Variants in EYS observed in about 807,000 individuals in gnomAD.
EYS encodes protein eyes shut homolog.
In EYS, 250 loss-of-function variants were observed where a neutral mutation model predicts 282.1. The ratio of observed to expected loss-of-function variants is 0.89; its 90% confidence interval spans 0.80 to 0.98. The LOEUF (loss-of-function observed/expected upper bound fraction) is 0.98, where lower values mean the gene tolerates loss of function less well. Among genes scored for constraint, EYS ranks in the 50% least tolerant of loss-of-function variants. EYS has a pLI of 0.00. For missense variants in EYS, 4,016 were observed against 3,709.0 expected (o/e 1.08, Z -2.15); for synonymous variants, 1,355 against 1,282.9 (o/e 1.06, Z -1.20).
At chr6:65,424,356 T>C (rs1389546417) in intron 5 of EYS, among the ~76,000 whole-genome samples, 1 of 152,038 alleles carries the variant, frequency 6.6e-6, no homozygotes, top group Non-Finnish European at 1.5e-5. Flanking sequence ...AGTCTTACTC[T>C]CCACAAAAAT....
chr6:65,289,915 A>G (rs956737565), intron 12 of EYS, among the ~76,000 whole-genome samples: 1 of 151,218 alleles, frequency 6.6e-6, no homozygotes, highest in Non-Finnish European at 1.5e-5. Context: ...TATTAATGAT[A>G]CATTAACACT....
At chr6:65,662,067 T>A (rs1424778427) in intron 1 of EYS, among the ~76,000 whole-genome samples, 1 of 152,028 alleles carries the variant, frequency 6.6e-6, no homozygotes, top group African/African-American at 2.4e-5. Flanking sequence ...ACTTTTTTTC[T>A]GGTCACACCA....
At chr6:64,969,179 G>A (rs1157873287) in intron 14 of EYS, among the ~76,000 whole-genome samples, 7 of 152,142 alleles carry the variant, frequency 4.6e-5, no homozygotes, top group Non-Finnish European at 1.0e-4. Flanking sequence ...GACATGGACT[G>A]TAAAATGATG....
chr6:64,908,097 T>C (rs1008287830), intron 16 of EYS, among the ~76,000 whole-genome samples: 2 of 152,190 alleles, frequency 1.3e-5, no homozygotes, highest in African/African-American at 4.8e-5. Flanking sequence ...TGCATATTTC[T>C]GGCATAAATG....
At chr6:65,247,850 C>T (rs1767219166) in intron 12 of EYS, among the ~76,000 whole-genome samples, 1 of 151,880 alleles carries the variant, frequency 6.6e-6, no homozygotes, top group African/African-American at 2.4e-5. Flanking sequence ...GAAAATAATT[C>T]AAAATAGTAT....
intron 2 of EYS, among the ~76,000 whole-genome samples, chr6:65,625,727 C>T (rs1229131361): frequency 1.3e-5 from 2 of 152,126 alleles, no homozygotes; most frequent in South Asian, 2.1e-4. Flanking sequence ...TGAAAACTTG[C>T]ATCAAACTAT....
chr6:65,466,197 A>G (rs914543746), intron 5 of EYS, among the ~76,000 whole-genome samples: 2 of 152,124 alleles, frequency 1.3e-5, no homozygotes, highest in Non-Finnish European at 2.9e-5. Flanking sequence ...ACTAAAACCA[A>G]GAATTGGAAC....
At chr6:64,321,981 G>A (rs1770233411) in intron 29 of EYS, among the ~76,000 whole-genome samples, 1 of 151,904 alleles carries the variant, frequency 6.6e-6, no homozygotes, top group Non-Finnish European at 1.5e-5. Flanking sequence ...TAATATTTAT[G>A]TGGTTCAAGT....
At chr6:65,287,539 A>C (rs909304305) in intron 12 of EYS, among the ~76,000 whole-genome samples, 20 of 151,488 alleles carry the variant, frequency 1.3e-4, no homozygotes, top group Admixed American at 9.9e-4. Context: ...TGCAACATTT[A>C]GTAAATTATT....
chr6:64,982,040 A>T (rs1188015929), intron 14 of EYS, among the ~76,000 whole-genome samples: 1 of 151,480 alleles, frequency 6.6e-6, no homozygotes, highest in Non-Finnish European at 1.5e-5. Flanking sequence ...AAGAGAAATC[A>T]AGAGAAGAGA....
At chr6:65,375,245 G>A (rs963784575) in intron 8 of EYS, among the ~76,000 whole-genome samples, 1 of 152,166 alleles carries the variant, frequency 6.6e-6, no homozygotes, top group African/African-American at 2.4e-5. Context: ...AGCAAACAGG[G>A]TCTGCAGTGG....
In EYS at chr6:65,375,153, G is replaced by A. The variant is rs148309407; in HGVS notation, c.1299+9233C>T. Among the ~76,000 whole-genome samples the A allele has an allele frequency of 2.7e-3, 405 of 152,212 alleles. 13 individuals carry two copies. The East Asian group carries it at 0.066, about 25-fold the overall frequency. ...GGAGAGCTCTGGCTGGCATCTGGTG[G>A]GTGCCCCTCTGGGACGAAGCTTCCA... On this transcript the variant is annotated intron_variant, in intron 8 of 42. Coordinates refer to ENST00000503581, the MANE Select transcript of EYS (RefSeq NM_001142800.2).
intron 33 of EYS, among the ~76,000 whole-genome samples, chr6:64,010,397 G>T (rs1470519358): frequency 6.6e-6 from 1 of 151,288 alleles, no homozygotes; most frequent in Admixed American, 6.6e-5. Flanking sequence ...TTTGGTTGGG[G>T]GGGGGGGTGG....
At chr6:64,420,956 T>C (rs1774212308) in intron 28 of EYS, among the ~76,000 whole-genome samples, 1 of 152,144 alleles carries the variant, frequency 6.6e-6, no homozygotes, top group Non-Finnish European at 1.5e-5. Context: ...CCCTCCAAAC[T>C]ATTTCACCCT....
chr6:64,943,537 C>A (rs1769171770), intron 15 of EYS, among the ~76,000 whole-genome samples: 1 of 152,126 alleles, frequency 6.6e-6, no homozygotes. Context: ...AACATTCAAG[C>A]TGAGAGCCAA....
At chr6:64,619,733 G>A (rs1265401475) in intron 23 of EYS, among the ~76,000 whole-genome samples, 1 of 151,880 alleles carries the variant, frequency 6.6e-6, no homozygotes, top group Non-Finnish European at 1.5e-5. Context: ...GGAGTGCAGG[G>A]GTATGATCAC....
intron 2 of EYS, among the ~76,000 whole-genome samples, chr6:65,505,766 A>T (rs1766631599): frequency 6.6e-6 from 1 of 151,868 alleles, no homozygotes; most frequent in Admixed American, 6.6e-5. Context: ...ATGTTTTATG[A>T]TTTCATTTTG....
At chr6:64,885,967 A>G (rs1400518788) in intron 19 of EYS, among the ~76,000 whole-genome samples, 3 of 151,878 alleles carry the variant, frequency 2.0e-5, no homozygotes, top group Non-Finnish European at 4.4e-5. Context: ...TTAGTGCTGC[A>G]CAAATCAGAT....
At chr6:64,802,656 A>C (rs1764280570) in intron 22 of EYS, among the ~76,000 whole-genome samples, 1 of 152,206 alleles carries the variant, frequency 6.6e-6, no homozygotes, top group Non-Finnish European at 1.5e-5. Context: ...TATGCAGATA[A>C]GTTATTTTTA....
Sources: allele counts gnomAD v4.1 joint callset (sites outside exome capture counted in the v4.1 genomes callset), GRCh38; gene constraint gnomAD v4.1.1; transcripts MANE v1.5; gene names NCBI Gene and HGNC (gene_info 2026-07-23, HGNC 2026-07-21).